The following FRAS1 variants were observed in gnomAD, a reference collection of about 807,000 sequenced individuals.
FRAS1 encodes the protein Fraser extracellular matrix complex subunit 1, also known as extracellular matrix organizing protein FRAS1.
A neutral mutation model predicts 435.2 loss-of-function variants in FRAS1; 290 were observed. The ratio of observed to expected loss-of-function variants is 0.67; its 90% CI spans 0.61 to 0.73. The LOEUF (loss-of-function observed/expected upper bound fraction) is 0.73. Among genes scored for constraint, FRAS1 ranks in the 30% least tolerant of loss-of-function variants. The pLI is 0.00. For synonymous variants in FRAS1, 1,800 were observed against 1,851.0 expected, an observed-to-expected ratio of 0.97 and a Z score of 0.71; for missense variants, 4,860 against 5,001.5, an observed-to-expected ratio of 0.97 and a Z score of 0.85.
chr4:78,282,537 T>A (rs1173955637), intron 11 of FRAS1, among the ~76,000 whole-genome samples: 1 of 152,254 alleles, frequency 6.6e-6, no homozygotes, highest in Non-Finnish European at 1.5e-5. Context: ...TTACATATTC[T>A]GTTAGTCCTA....
chr4:78,266,122 T>C (rs1484434179), intron 7 of FRAS1, among the ~76,000 whole-genome samples: 1 of 152,206 alleles, frequency 6.6e-6, no homozygotes, highest in African/African-American at 2.4e-5. Context: ...TAACATTAAT[T>C]ATGTCATCTA....
intron 10 of FRAS1, among the ~76,000 whole-genome samples, chr4:78,280,215 C>G (rs1727265843): frequency 6.6e-6 from 1 of 152,180 alleles, no homozygotes; most frequent in African/African-American, 2.4e-5. Flanking sequence ...AGCATCAGTA[C>G]TCTTGGATTT....
chr4:78,540,644 G>A lies in FRAS1; in HGVS notation c.11559G>A (p.Arg3853=), dbSNP rs989874672. Residue 3853 remains arginine (R), a synonymous_variant, in exon 74 of 74, where the codon AGG becomes AGA. Transcript: ENST00000512123. Reference sequence around the variant, plus strand: ...CAGCTCCACTCAGACGCAACCGAAGGGACCTGGTAGAGCCCGATGGCCAGC... The same window carrying A: ...CAGCTCCACTCAGACGCAACCGAAGAGACCTGGTAGAGCCCGATGGCCAGC... ...SLTAPLRRNR[R]DLVEPDGQLI... is the part of the protein sequence containing the mutation. 2 of 1,605,294 alleles carry A rather than the reference G, an allele frequency of 1.2e-6. No homozygotes were observed. The highest frequency in any genetic ancestry group is 3.4e-5 in the Admixed American group (2 of 59,140).
Position 78,374,209 on chromosome 4 carries a change from G to A in FRAS1, c.3109G>A (p.Gly1037Arg), listed in dbSNP as rs1731662697. The change falls in exon 25 of 74, where the codon GGG becomes AGG. Residue 1037 changes from glycine to arginine, a missense_variant. Transcript: ENST00000512123. ...LLEAQCVQEC[G>R]KGYFADHAKH... Reference sequence around the variant, plus strand: ...GGAAGCCCAGTGTGTCCAGGAATGTGGGAAGGGGTACTTTGCAGATCATGC... The same window carrying A: ...GGAAGCCCAGTGTGTCCAGGAATGTAGGAAGGGGTACTTTGCAGATCATGC... 6 of 1,604,428 alleles carry A rather than the reference G, an allele frequency of 3.7e-6. No homozygotes were observed. The highest frequency in any genetic ancestry group is 5.1e-6 in the Non-Finnish European group (6 of 1,173,124).
At chr4:78,213,850 T>C (rs1723623800) in intron 2 of FRAS1, among the ~76,000 whole-genome samples, 2 of 152,252 alleles carry the variant, frequency 1.3e-5, no homozygotes, top group Admixed American at 1.3e-4. Context: ...ATCACCTCTG[T>C]AACTTCCCAA....
At chr4:78,058,117 T>C (rs755111137) in intron 1 of FRAS1, 32 bp downstream of exon 1, 8 of 1,541,938 alleles carry the variant, frequency 5.2e-6, no homozygotes, top group South Asian at 2.2e-5. Flanking sequence ...TGTGTGTGTG[T>C]GTGCGTGTGC....
chr4:78,230,474 C>A (rs767453137), intron 2 of FRAS1, among the ~76,000 whole-genome samples: 1 of 152,126 alleles, frequency 6.6e-6, no homozygotes, highest in African/African-American at 2.4e-5. Flanking sequence ...TATTGTTTAT[C>A]TAAGCTGTCT....
In FRAS1 at chr4:78,058,025, G is replaced by A. The variant is rs1290579756; in HGVS notation, c.16G>A (p.Val6Met). 4 of 1,614,028 alleles carry A rather than the reference G, an allele frequency of 2.5e-6. No homozygotes were observed. Among genetic ancestry groups the A allele is most frequent in the Non-Finnish European group, 3.4e-6 (4 of 1,179,884 alleles). ...CGAGGCGGCGATGGGTGTCCTCAAA[G>A]TGTGGCTCGGGCTGGCCCTAGCGTT... is the stretch of plus-strand genomic sequence containing the variant. MGVLK[V>M]WLGLALALAE... Residue 6 changes from valine to methionine, a missense_variant, in exon 1 of 74, where the codon GTG becomes ATG. Transcript: ENST00000512123.
At chr4:78,356,737 G>A (rs2110287583) in intron 20 of FRAS1, among the ~76,000 whole-genome samples, 1 of 152,004 alleles carries the variant, frequency 6.6e-6, no homozygotes, top group South Asian at 2.1e-4. Context: ...GTATGTCAGA[G>A]TTTTCTTAGA....
intron 64 of FRAS1, among the ~76,000 whole-genome samples, chr4:78,512,826 A>G (rs1033128248): frequency 6.6e-6 from 1 of 152,234 alleles, no homozygotes; most frequent in Non-Finnish European, 1.5e-5. Context: ...TAGGACTTAC[A>G]GGCAGACTGG....
At chr4:78,153,950 C>T (rs895627045) in intron 2 of FRAS1, among the ~76,000 whole-genome samples, 1 of 151,980 alleles carries the variant, frequency 6.6e-6, no homozygotes, top group Admixed American at 6.6e-5. Context: ...AGATAAAATT[C>T]TTTACTCTAC....
chr4:78,502,275 T>G (rs1720707732), intron 61 of FRAS1, among the ~76,000 whole-genome samples: 1 of 152,224 alleles, frequency 6.6e-6, no homozygotes, highest in African/African-American at 2.4e-5. Context: ...GGTAGCTTGA[T>G]CGGGATGGCA....
intron 6 of FRAS1, among the ~76,000 whole-genome samples, chr4:78,257,571 A>G (rs897165226): frequency 6.6e-6 from 1 of 152,208 alleles, no homozygotes; most frequent in African/African-American, 2.4e-5. Flanking sequence ...AAGTTTCAAA[A>G]GGAATTTTGT....
intron 30 of FRAS1, among the ~76,000 whole-genome samples, chr4:78,407,419 T>C (rs1733144480): frequency 6.6e-6 from 1 of 152,254 alleles, no homozygotes; most frequent in Non-Finnish European, 1.5e-5. Flanking sequence ...AGTAACTTCA[T>C]ACATGAATTG....
Position 78,095,113 on chromosome 4 carries a change from T to C in FRAS1, c.108+29097T>C, listed in dbSNP as rs142709398. Among the ~76,000 whole-genome samples, 129 of 152,320 alleles carry C rather than the reference T, an allele frequency of 8.5e-4. 1 individual carries two copies. The highest frequency in any genetic ancestry group is 3.0e-3 in the African/African-American group (124 of 41,560). On this transcript the variant is annotated intron_variant, in intron 2 of 73. Coordinates refer to ENST00000512123, the MANE Select transcript of FRAS1 (RefSeq NM_025074.7). ...AATGTAATATCAGTAAATAAATAAA[T>C]GCTTAAAACTTGTCCGGTTGACTGG...
At chr4:78,310,050 T>A (rs182174498) in intron 15 of FRAS1, among the ~76,000 whole-genome samples, 1 of 152,172 alleles carries the variant, frequency 6.6e-6, no homozygotes, top group Non-Finnish European at 1.5e-5. Flanking sequence ...TGTGCAGGGA[T>A]CCATCAGTAT....
intron 30 of FRAS1, among the ~76,000 whole-genome samples, chr4:78,407,184 G>T (rs1298402405): frequency 1.3e-5 from 2 of 152,128 alleles, no homozygotes; most frequent in Non-Finnish European, 1.5e-5. Flanking sequence ...AATTGAACCT[G>T]TATTACTATC....
intron 47 of FRAS1, among the ~76,000 whole-genome samples, chr4:78,461,375 G>A (rs571220913): frequency 3.9e-5 from 6 of 152,210 alleles, no homozygotes; most frequent in South Asian, 4.1e-4. Flanking sequence ...AAATTAGACC[G>A]CCTCGGGTTT....
intron 2 of FRAS1, among the ~76,000 whole-genome samples, chr4:78,119,580 C>A (rs1718893804): frequency 6.6e-6 from 1 of 152,106 alleles, no homozygotes. Flanking sequence ...TTTCTTTATC[C>A]ATTCAGCTGT....
Sources: allele counts gnomAD v4.1 joint callset (sites outside exome capture counted in the v4.1 genomes callset), GRCh38; gene constraint gnomAD v4.1.1; transcripts MANE v1.5; gene names NCBI Gene and HGNC (gene_info 2026-07-23, HGNC 2026-07-21).